SYNE1: variants seen among roughly 807,000 people sequenced by gnomAD.
SYNE1 encodes spectrin repeat containing nuclear envelope protein 1, also known as nesprin-1.
In SYNE1, 616 loss-of-function variants were observed where a neutral mutation model predicts 1,111.0. The ratio of observed to expected loss-of-function variants is 0.55; its 90% CI spans 0.52 to 0.59. The LOEUF is 0.59. SYNE1 is among the 20% of genes least tolerant of loss of function. SYNE1 has a pLI of 0.00. For missense variants in SYNE1, 10,006 were observed against 10,417.0 expected (o/e 0.96, Z 1.72); for synonymous variants, 3,855 against 3,825.8 (o/e 1.01, Z -0.28).
intron 130 of SYNE1, chr6:152,168,436 G>A (rs957666385): frequency 4.7e-5 from 24 of 509,000 alleles, no homozygotes; most frequent in African/African-American, 1.3e-4. Flanking sequence ...TGTAGGCCAC[G>A]AGTGTAAGAA....
intron 5 of SYNE1, 46 bp downstream of exon 5, chr6:152,526,034 A>C: frequency 1.3e-6 from 2 of 1,577,792 alleles, no homozygotes; most frequent in Non-Finnish European, 1.7e-6. Context: ...CCCAAATTCC[A>C]AATGGAAACA....
intron 3 of SYNE1, among the ~76,000 whole-genome samples, chr6:152,581,402 G>T (rs533937291): frequency 6.6e-6 from 1 of 152,224 alleles, no homozygotes; most frequent in East Asian, 1.9e-4. Context: ...AGTCTCTGAG[G>T]GTGCAAAGAA....
intron 134 of SYNE1, 38 bp downstream of exon 134, chr6:152,151,921 C>A: frequency 6.2e-7 from 1 of 1,610,212 alleles, no homozygotes; most frequent in Admixed American, 1.7e-5. Flanking sequence ...CAGTCCCATC[C>A]TCTGGCCTCT....
chr6:152,580,755 C>T (rs1398964765), intron 3 of SYNE1, among the ~76,000 whole-genome samples: 1 of 152,098 alleles, frequency 6.6e-6, no homozygotes, highest in African/African-American at 2.4e-5. Flanking sequence ...AGTCTTCTAG[C>T]TGAGGACCCA....
chr6:152,168,401 A>G (rs182509469), intron 130 of SYNE1: 9 of 560,190 alleles, frequency 1.6e-5, no homozygotes, highest in Middle Eastern at 4.7e-4. Context: ...ATTCATTAAC[A>G]TGTGCCAGGC....
intron 42 of SYNE1, among the ~76,000 whole-genome samples, chr6:152,411,890 A>C (rs2098058703): frequency 6.6e-6 from 1 of 152,210 alleles, no homozygotes. Flanking sequence ...CTACTTCGAA[A>C]AATAGTTTGG....
Position 152,211,544 on chromosome 6 carries a change from T to G in SYNE1, c.22539A>C (p.Ser7513=), listed in dbSNP as rs746885827. 6.2e-7 allele frequency: 1 copy of G among 1,613,940 alleles called. No homozygotes were observed. The highest frequency in any genetic ancestry group is 8.5e-7 in the Non-Finnish European group (1 of 1,179,916). Residue 7513 remains serine (S), a synonymous_variant, in exon 124 of 146, where the codon TCA becomes TCC. Transcript: ENST00000367255. ...GAAGACGTTGCCCATCAATAATGAT[T>G]GAGTGCAAAATCTGCTGACGACTGA... ...EMFSRQQILH[S]IIIDGQRLLE... is the part of the protein sequence containing the mutation.
chr6:152,543,941 A>C (rs1358044997), intron 3 of SYNE1, among the ~76,000 whole-genome samples: 1 of 152,240 alleles, frequency 6.6e-6, no homozygotes, highest in Non-Finnish European at 1.5e-5. Context: ...CACCCTACAG[A>C]GTTCCCACAA....
At chr6:152,573,311 T>C (rs1310402532) in intron 3 of SYNE1, among the ~76,000 whole-genome samples, 2 of 146,244 alleles carry the variant, frequency 1.4e-5, no homozygotes, top group African/African-American at 5.1e-5. Context: ...TAGGTATATC[T>C]CCTAATGCTA....
intron 23 of SYNE1, 66 bp downstream of exon 23, chr6:152,455,820 A>G (rs1461530254): frequency 1.9e-6 from 3 of 1,609,180 alleles, no homozygotes; most frequent in Non-Finnish European, 2.6e-6. Context: ...AGCACGAGTG[A>G]TGGTTTCTTG....
At position 152,189,381 on chromosome 6, in the gene SYNE1, C is replaced by T; in HGVS notation, c.23172G>A (p.Trp7724Ter). 4 of 1,614,060 alleles carry T rather than the reference C, an allele frequency of 2.5e-6. No homozygotes were observed. The highest frequency in any genetic ancestry group is 3.4e-6 in the Non-Finnish European group (4 of 1,179,990). The part of the protein sequence containing the change: ...CKELENAVGS[W>*]TDDLTQLSLL... ...GGCTCAACTGGGTCAAGTCATCTGT[C>T]CAGCTCCCAACTGCATTTTCTAATT... is the stretch of plus-strand genomic sequence containing the variant. The change falls in exon 128 of 146, where the codon TGG becomes TGA. Residue 7724 changes from tryptophan to a stop codon, truncating the protein, a stop_gained. Coordinates refer to ENST00000367255, the MANE Select transcript of SYNE1 (RefSeq NM_182961.4). LOFTEE classifies it high-confidence loss of function.
chr6:152,367,061 G>C (rs574829425), intron 62 of SYNE1, 157 bp downstream of exon 62: 8 of 885,098 alleles, frequency 9.0e-6, no homozygotes, highest in Admixed American at 1.9e-5. Flanking sequence ...GGAATTCTCT[G>C]GCATGTGCAC....
Position 152,334,215 on chromosome 6 carries a change from A to G in SYNE1, c.12587T>C (p.Val4196Ala), listed in dbSNP as rs1247320883. 6.2e-7 allele frequency: 1 copy of G among 1,613,922 alleles called. No individual in the cohort carries two copies. Among genetic ancestry groups the G allele is most frequent in the South Asian group, 1.1e-5 (1 of 91,056 alleles). The stretch of plus-strand genomic sequence containing the variant: ...TTCCTCCTTCTTTGTTAACTTATTC[A>G]CCTTTTCTATTATGGTGTTCACGGA... ...QASVNTIIEK[V>A]NKLTKKEESP... Residue 4196 changes from valine (V) to alanine (A), a missense_variant, in exon 77 of 146, where the codon GTG becomes GCG. Physicochemically the swap from Val to Ala is moderately conservative, Grantham distance 64 (BLOSUM62 0). Around this residue, in one of 7 missense-constraint regions of SYNE1, gnomAD observed 4,955 missense variants for 5,017.2 expected, o/e 0.99. Transcript: ENST00000367255.
chr6:152,454,748 T>C (rs2098682611), intron 24 of SYNE1, among the ~76,000 whole-genome samples: 1 of 152,208 alleles, frequency 6.6e-6, no homozygotes, highest in African/African-American at 2.4e-5. Context: ...TGTTTTGTGG[T>C]CACAGACATT....
chr6:152,390,254 A>G, intron 53 of SYNE1, 26 bp downstream of exon 53: 1 of 1,613,592 alleles, frequency 6.2e-7, no homozygotes, highest in Non-Finnish European at 8.5e-7. Flanking sequence ...TTGGACTTAA[A>G]CAAACTCTAA....
At chr6:152,398,991 A>G (rs977494264) in intron 48 of SYNE1, among the ~76,000 whole-genome samples, 1 of 152,244 alleles carries the variant, frequency 6.6e-6, no homozygotes, top group African/African-American at 2.4e-5. Context: ...AATGTCTAAT[A>G]TCCTGTTGTG....
chr6:152,221,193 C>G (rs2080097226), intron 118 of SYNE1, 147 bp from the exon 119 acceptor site: 2 of 1,117,206 alleles, frequency 1.8e-6, no homozygotes, highest in Non-Finnish European at 2.6e-6. Flanking sequence ...GTTTCATATT[C>G]CTAGTTTCAG....
intron 3 of SYNE1, among the ~76,000 whole-genome samples, chr6:152,599,119 C>T (rs1376045873): frequency 6.6e-6 from 1 of 152,238 alleles, no homozygotes; most frequent in Non-Finnish European, 1.5e-5. Flanking sequence ...TACAAATTCA[C>T]AGGAGAGAAA....
intron 104 of SYNE1, among the ~76,000 whole-genome samples, chr6:152,249,673 C>T (rs918308397): frequency 1.3e-5 from 2 of 152,034 alleles, no homozygotes; most frequent in African/African-American, 2.4e-5. Flanking sequence ...ATATGATTTC[C>T]ATTTTGCTCT....
Sources: allele counts gnomAD v4.1 joint callset (sites outside exome capture counted in the v4.1 genomes callset), GRCh38; gene constraint gnomAD v4.1.1; regional missense constraint gnomAD v4.1.1; transcripts MANE v1.5; gene names NCBI Gene and HGNC (gene_info 2026-07-23, HGNC 2026-07-21).